BICC1: variants seen among roughly 807,000 people sequenced by gnomAD.
The protein encoded by BICC1 is BicC family RNA binding protein 1, also known as protein bicaudal C homolog 1.
BICC1 carries 43 observed loss-of-function variants against 111.0 expected under a neutral mutation model. The ratio of observed to expected loss-of-function variants is 0.39; its 90% CI spans 0.30 to 0.50. The LOEUF (loss-of-function observed/expected upper bound fraction) is 0.50, where lower values mean the gene tolerates loss of function less well. BICC1 is among the 20% of genes least tolerant of loss of function. The pLI is 0.88. For missense variants in BICC1, 1,091 were observed against 1,203.2 expected (o/e 0.91, Z 1.38); for synonymous variants, 467 against 434.4 (o/e 1.07, Z -0.93).
chr10:58,780,349 G>A (rs1272773256), intron 3 of BICC1, among the ~76,000 whole-genome samples: 1 of 152,118 alleles, frequency 6.6e-6, no homozygotes, highest in Non-Finnish European at 1.5e-5. Context: ...AGTGGGAGGC[G>A]GGGAGGTAGT....
chr10:58,800,882 C>A lies in BICC1; in HGVS notation c.1859-8C>A, dbSNP rs1407090126. 9 of 1,572,740 alleles carry A rather than the reference C, an allele frequency of 5.7e-6. No individual in the cohort carries two copies. The highest frequency in any genetic ancestry group is 7.7e-6 in the Non-Finnish European group (9 of 1,162,896). On this transcript the variant is annotated splice_polypyrimidine_tract_variant and splice_region_variant and intron_variant, in intron 13 of 20. Transcript: ENST00000373886. ...GGTGTTTCACTTTTTTTTCCTTTTC[C>A]TCTGCAGGTTGTAATGATGCTTTTG... is the stretch of plus-strand genomic sequence containing the variant.
intron 2 of BICC1, among the ~76,000 whole-genome samples, chr10:58,694,136 G>A (rs1040003423): frequency 2.6e-5 from 4 of 152,060 alleles, no homozygotes; most frequent in South Asian, 2.1e-4. Context: ...TCCTTCTCCT[G>A]TTCTCATTGA....
At position 58,772,170 on chromosome 10, in the gene BICC1, AT is replaced by A. The variant is rs1306250543; in HGVS notation, c.308-12830del. Among the ~76,000 whole-genome samples the A allele has an allele frequency of 2.6e-5, 4 of 152,342 alleles. No homozygotes were observed. The East Asian group carries it at 7.7e-4, about 29-fold the overall frequency. The stretch of plus-strand genomic sequence containing the variant: ...CATTCCAGGTCTGAAGTTCTTTGAT[AT>A]AATTCCAGAAGTTAACATAGCTTCT... On this transcript the variant is annotated intron_variant, in intron 3 of 20. Coordinates refer to ENST00000373886, the MANE Select transcript of BICC1 (RefSeq NM_001080512.3).
intron 1 of BICC1, among the ~76,000 whole-genome samples, chr10:58,555,554 T>A (rs1843428120): frequency 6.6e-6 from 1 of 152,142 alleles, no homozygotes; most frequent in Admixed American, 6.6e-5. Flanking sequence ...TAATTTTCAA[T>A]GAGCAGATCA....
chr10:58,528,408 A>G (rs1035921249), intron 1 of BICC1, among the ~76,000 whole-genome samples: 47 of 151,934 alleles, frequency 3.1e-4, no homozygotes, highest in Non-Finnish European at 1.5e-4. Context: ...AATCTGGATT[A>G]GTTTTATAAA....
At chr10:58,737,099 A>AT (rs1257416979) in intron 3 of BICC1, among the ~76,000 whole-genome samples, 7 of 151,854 alleles carry the variant, frequency 4.6e-5, no homozygotes, top group Non-Finnish European at 1.0e-4. Context: ...ACTTTCTGTG[A>AT]TTTTTTAAAA....
At chr10:58,816,822 G>A (rs188406982) in intron 18 of BICC1, among the ~76,000 whole-genome samples, 58 of 148,098 alleles carry the variant, frequency 3.9e-4, no homozygotes, top group Admixed American at 2.7e-4. Flanking sequence ...TCAATAGTCC[G>A]TCACCAGCGC....
At chr10:58,724,858 G>A (rs1484513859) in intron 3 of BICC1, among the ~76,000 whole-genome samples, 1 of 152,160 alleles carries the variant, frequency 6.6e-6, no homozygotes, top group Non-Finnish European at 1.5e-5. Flanking sequence ...ACTCATCATG[G>A]TGGAGTCTGG....
intron 2 of BICC1, among the ~76,000 whole-genome samples, chr10:58,642,436 G>C (rs995776398): frequency 2.0e-5 from 3 of 152,142 alleles, no homozygotes; most frequent in African/African-American, 7.2e-5. Context: ...AGGTCAGAAT[G>C]ATGAGTTCTA....
chr10:58,547,422 A>G (rs954407197), intron 1 of BICC1, among the ~76,000 whole-genome samples: 1 of 152,088 alleles, frequency 6.6e-6, no homozygotes, highest in African/African-American at 2.4e-5. Context: ...GTAAAGTACC[A>G]TTCTCCTCAT....
At chr10:58,732,379 G>GTATATATATA (rs1163026692) in intron 3 of BICC1, among the ~76,000 whole-genome samples, 1 of 75,792 alleles carries the variant, frequency 1.3e-5, no homozygotes, top group African/African-American at 7.2e-5. Flanking sequence ...GTGTGTGTAT[G>GTATATATATA]TATATATATA....
chr10:58,554,443 A>G (rs1843385657), intron 1 of BICC1, among the ~76,000 whole-genome samples: 2 of 152,190 alleles, frequency 1.3e-5, no homozygotes, highest in South Asian at 4.1e-4. Context: ...AGAGCCTACA[A>G]TATATAGATT....
intron 3 of BICC1, among the ~76,000 whole-genome samples, chr10:58,757,311 A>G (rs766453634): frequency 2.0e-5 from 3 of 152,206 alleles, no homozygotes; most frequent in Admixed American, 6.5e-5. Flanking sequence ...AATGAGTTCT[A>G]TGAAATCGTA....
In BICC1 at chr10:58,670,828, G is replaced by A. The variant is rs373842563; in HGVS notation, c.238-31246G>A. On this transcript the variant is annotated intron_variant, in intron 2 of 20. Transcript: ENST00000373886. ...CATAGAGTGGATAAACAAACTGGTG[G>A]GTTTCATACAATGTAACCATACTCA... 6.6e-5 allele frequency among the ~76,000 whole-genome samples: 10 copies of A among 152,118 alleles called. No individual in the cohort carries two copies. The South Asian group carries it at 1.0e-3, about 16-fold the overall frequency.
Position 58,829,032 on chromosome 10 carries a change from A to T in BICC1, c.*141A>T. On this transcript the variant is annotated 3_prime_UTR_variant, in exon 21 of 21. Coordinates refer to ENST00000373886, the MANE Select transcript of BICC1 (RefSeq NM_001080512.3). ...AGCATTTTATTCGCACCTGTACTTT[A>T]TGGCAAAAAGGAAGAAGAGAGAGAA... The T allele has an allele frequency of 1.1e-6, 1 of 913,894 alleles. No individual in the cohort carries two copies. Among genetic ancestry groups the T allele is most frequent in the Non-Finnish European group, 1.6e-6 (1 of 625,388 alleles). 56.6% of individuals were successfully genotyped at this position (913,894 alleles called of 1,614,324 possible).
At chr10:58,709,467 A>G (rs1390756009) in intron 3 of BICC1, among the ~76,000 whole-genome samples, 1 of 152,244 alleles carries the variant, frequency 6.6e-6, no homozygotes, top group Non-Finnish European at 1.5e-5. Context: ...ACACTGTGCT[A>G]GGTGGTCAGC....
intron 1 of BICC1, among the ~76,000 whole-genome samples, chr10:58,618,383 A>G (rs555890987): frequency 2.0e-5 from 3 of 152,366 alleles, no homozygotes; most frequent in African/African-American, 7.2e-5. Flanking sequence ...GCATTAGGTG[A>G]TCACCCATGT....
chr10:58,549,283 T>G (rs1343844378), intron 1 of BICC1, among the ~76,000 whole-genome samples: 5 of 152,216 alleles, frequency 3.3e-5, no homozygotes, highest in Non-Finnish European at 7.3e-5. Flanking sequence ...TGCAGGTGTT[T>G]ATGTTGACAT....
At position 58,513,141 on chromosome 10, in the gene BICC1, A is replaced by G; in HGVS notation, c.-3A>G. The G allele has an allele frequency of 6.7e-7, 1 of 1,502,884 alleles. No homozygotes were observed. 93.1% of individuals were successfully genotyped at this position (1,502,884 alleles called of 1,614,324 possible). On this transcript the variant is annotated 5_prime_UTR_variant, in exon 1 of 21. Coordinates refer to ENST00000373886, the MANE Select transcript of BICC1 (RefSeq NM_001080512.3). ...GCGGGAGCCCGAGCGCTGCGCGCCC[A>G]CCATGGCCGCCCAGGGAGAGCCCGG...
Sources: gnomAD v4.1 joint callset for allele counts (sites outside exome capture counted in the v4.1 genomes callset) on GRCh38, gnomAD v4.1.1 for gene constraint, MANE v1.5 for transcripts, NCBI Gene and HGNC (gene_info 2026-07-23, HGNC 2026-07-21) for gene names.